The following ZNF385B variants were observed in gnomAD, a reference collection of about 807,000 sequenced individuals.
ZNF385B encodes the protein zinc finger protein 385B.
Under a neutral mutation model 39.2 loss-of-function variants are expected in ZNF385B, and 23 were observed. That is an observed-to-expected ratio of 0.59 (90% CI 0.42 to 0.83). ZNF385B has a LOEUF of 0.83. Among genes scored for constraint, ZNF385B ranks in the 40% least tolerant of loss-of-function variants. The pLI is 0.00. For synonymous variants in ZNF385B, 205 were observed against 222.6 expected (o/e 0.92, Z 0.70); for missense variants, 552 against 598.9 (o/e 0.92, Z 0.82).
chr2:179,791,993 C>T (rs1335405484), intron 1 of ZNF385B, among the ~76,000 whole-genome samples: 1 of 152,166 alleles, frequency 6.6e-6, no homozygotes, highest in Non-Finnish European at 1.5e-5. Flanking sequence ...AACTCCTGAC[C>T]TCAAGTGACC....
At chr2:179,765,279 G>A (rs888791619) in intron 3 of ZNF385B, among the ~76,000 whole-genome samples, 1 of 151,876 alleles carries the variant, frequency 6.6e-6, no homozygotes, top group African/African-American at 2.4e-5. Context: ...CAATATTTAA[G>A]TATAAACCTG....
chr2:179,651,311 G>A (rs1693174163), intron 3 of ZNF385B, among the ~76,000 whole-genome samples: 1 of 152,066 alleles, frequency 6.6e-6, no homozygotes, highest in Non-Finnish European at 1.5e-5. Flanking sequence ...TAAACGTAAA[G>A]CAGTGCATTC....
intron 6 of ZNF385B, among the ~76,000 whole-genome samples, chr2:179,476,748 C>T (rs1236428264): frequency 2.0e-5 from 3 of 151,968 alleles, no homozygotes; most frequent in Non-Finnish European, 2.9e-5. Flanking sequence ...TTTAAGTTGA[C>T]CTTGAAAGTC....
At chr2:179,535,486 T>C (rs1216010377) in intron 4 of ZNF385B, among the ~76,000 whole-genome samples, 1 of 152,238 alleles carries the variant, frequency 6.6e-6, no homozygotes, top group Non-Finnish European at 1.5e-5. Flanking sequence ...TAGGGCTCTC[T>C]ACTAGAATAA....
intron 1 of ZNF385B, among the ~76,000 whole-genome samples, chr2:179,847,671 T>G (rs766824036): frequency 6.6e-6 from 1 of 152,134 alleles, no homozygotes; most frequent in Non-Finnish European, 1.5e-5. Flanking sequence ...CAAAGCAACG[T>G]TGAACCAGAG....
intron 3 of ZNF385B, among the ~76,000 whole-genome samples, chr2:179,606,367 T>C (rs1688802932): frequency 6.6e-6 from 1 of 152,198 alleles, no homozygotes; most frequent in African/African-American, 2.4e-5. Context: ...ACTGCCTGTG[T>C]TTCACAAGTA....
intron 3 of ZNF385B, among the ~76,000 whole-genome samples, chr2:179,589,876 C>A (rs1222412356): frequency 6.6e-6 from 1 of 152,174 alleles, no homozygotes; most frequent in East Asian, 1.9e-4. Flanking sequence ...AGTCTGAAAC[C>A]TACTGTTGAT....
intron 3 of ZNF385B, among the ~76,000 whole-genome samples, chr2:179,552,898 A>T (rs2060666482): frequency 1.3e-5 from 2 of 149,310 alleles, no homozygotes; most frequent in East Asian, 3.9e-4. Context: ...ATTTACATAT[A>T]CTCATATATA....
At position 179,583,340 on chromosome 2, in the gene ZNF385B, A is replaced by G. The variant is rs116531243; in HGVS notation, c.299-38371T>C. On this transcript the variant is annotated intron_variant, in intron 3 of 9. Transcript: ENST00000410066. Reference sequence around the variant, plus strand: ...AAATAAACTATCAATTTAAGCCATTATTATCAGGGCTGTGCTTCTGTGTCA... The same window carrying G: ...AAATAAACTATCAATTTAAGCCATTGTTATCAGGGCTGTGCTTCTGTGTCA... Among the ~76,000 whole-genome samples, 1,288 of 152,286 alleles carry G rather than the reference A, an allele frequency of 8.5e-3. 19 individuals are homozygous for G. Among genetic ancestry groups the G allele is most frequent in the African/African-American group, 0.03 (1,238 of 41,560 alleles).
At chr2:179,796,850 A>T (rs1200043759) in intron 1 of ZNF385B, among the ~76,000 whole-genome samples, 1 of 152,174 alleles carries the variant, frequency 6.6e-6, no homozygotes, top group African/African-American at 2.4e-5. Context: ...ATTCCAAGAC[A>T]GCACCCTCTA....
intron 3 of ZNF385B, among the ~76,000 whole-genome samples, chr2:179,637,497 G>GAA (rs5836689): frequency 3.2e-4 from 48 of 148,772 alleles, no homozygotes; most frequent in South Asian, 1.1e-3. Context: ...CAGTTACCAA[G>GAA]AAAAAAAAAA....
chr2:179,639,830 T>C (rs1193841075), intron 3 of ZNF385B, among the ~76,000 whole-genome samples: 2 of 152,152 alleles, frequency 1.3e-5, no homozygotes, highest in Non-Finnish European at 2.9e-5. Context: ...GCAGATAATG[T>C]TTGAATTTTT....
Position 179,848,900 on chromosome 2 carries a change from G to A in ZNF385B, c.-155+12201C>T, listed in dbSNP as rs575197194. Among the ~76,000 whole-genome samples, 15 of 152,284 alleles carry A rather than the reference G, an allele frequency of 9.9e-5. No individual in the cohort carries two copies. The South Asian group carries it at 2.9e-3, about 29-fold the overall frequency. On this transcript the variant is annotated intron_variant, in intron 1 of 9. Transcript: ENST00000410066. ...TAGAAAAGAGGAATAAAAAAAGAGA[G>A]GGGACTATTTCCAAATAATAGCAGC...
chr2:179,708,565 G>A (rs1202357816), intron 3 of ZNF385B, among the ~76,000 whole-genome samples: 1 of 152,174 alleles, frequency 6.6e-6, no homozygotes, highest in Admixed American at 6.5e-5. Context: ...TAAGTGGGAA[G>A]ACCGCTACCA....
At chr2:179,800,915 A>G (rs560160568) in intron 1 of ZNF385B, among the ~76,000 whole-genome samples, 2 of 152,230 alleles carry the variant, frequency 1.3e-5, no homozygotes, top group South Asian at 4.1e-4. Flanking sequence ...TGTTATTTCA[A>G]CCATTCTAAA....
intron 1 of ZNF385B, among the ~76,000 whole-genome samples, chr2:179,778,790 A>T (rs1704495015): frequency 6.6e-6 from 1 of 152,226 alleles, no homozygotes; most frequent in African/African-American, 2.4e-5. Flanking sequence ...AACATAAAAA[A>T]GATTGGAGAA....
At chr2:179,800,608 T>G (rs16867000) in intron 1 of ZNF385B, among the ~76,000 whole-genome samples, 24 of 152,096 alleles carry the variant, frequency 1.6e-4, no homozygotes, top group Non-Finnish European at 2.6e-4. Context: ...AATTAAATCT[T>G]GCATGCTGCC....
chr2:179,694,921 C>A (rs1398981418), intron 3 of ZNF385B, among the ~76,000 whole-genome samples: 1 of 150,254 alleles, frequency 6.7e-6, no homozygotes, highest in Non-Finnish European at 1.5e-5. Context: ...CAGAGTGAGA[C>A]TCCATCTCAA....
chr2:179,803,940 T>C (rs1706191765), intron 1 of ZNF385B, among the ~76,000 whole-genome samples: 1 of 152,168 alleles, frequency 6.6e-6, no homozygotes, highest in Non-Finnish European at 1.5e-5. Flanking sequence ...TTCCACCACA[T>C]AATTAGAGCA....
Sources: allele counts gnomAD v4.1 joint callset (sites outside exome capture counted in the v4.1 genomes callset), GRCh38; gene constraint gnomAD v4.1.1; transcripts MANE v1.5; gene names NCBI Gene and HGNC (gene_info 2026-07-23, HGNC 2026-07-21).